Variants in CAMTA2 observed in about 807,000 individuals in gnomAD.
CAMTA2 encodes the protein calmodulin-binding transcription activator 2.
Under a neutral mutation model 135.7 loss-of-function variants are expected in CAMTA2, and 56 were observed. The observed-to-expected ratio is 0.41, with a 90% CI of 0.33 to 0.52. The LOEUF is 0.52. Among genes scored for constraint, CAMTA2 ranks in the 20% least tolerant of loss-of-function variants. CAMTA2 has a pLI of 0.16. For synonymous variants in CAMTA2, 591 were observed against 604.6 expected (o/e 0.98, Z 0.33); for missense variants, 1,358 against 1,553.4 (o/e 0.87, Z 2.11).
intron 11 of CAMTA2, 182 bp from the exon 12 acceptor site, chr17:4,974,682 C>T: frequency 1.8e-6 from 1 of 558,956 alleles, no homozygotes; most frequent in Admixed American, 3.1e-5. Flanking sequence ...AGTCCTTAAA[C>T]TAGGGCTGTT....
Position 4,974,474 on chromosome 17 carries a change from C to G in CAMTA2, c.1927G>C (p.Glu643Gln), listed in dbSNP as rs747718050. 3 of 1,613,824 alleles carry G rather than the reference C, an allele frequency of 1.9e-6. No homozygotes were observed. In the Admixed American group the frequency reaches 5.0e-5, roughly 27 times the overall value. The part of the protein sequence containing the change: ...DDNQFRMSIL[E>Q]RLEQMEKRMA... ...CGCTTCTCCATCTGCTCCAGTCGCT[C>G]TAGTATGGACATCCGGAACTGGTTG... The change falls in exon 12 of 23, where the codon GAG becomes CAG. Residue 643 changes from glutamate (E) to glutamine (Q), a missense_variant. This residue lies in a region of CAMTA2 where 1,077 missense variants were observed against 1,127.5 expected (regional missense o/e 0.96). Transcript: ENST00000348066.
Position 4,968,995 on chromosome 17 carries a change from C to G in CAMTA2, c.3471-14G>C, listed in dbSNP as rs1053084715. On this transcript the variant is annotated splice_polypyrimidine_tract_variant and intron_variant, in intron 21 of 22. Coordinates refer to ENST00000348066, the MANE Select transcript of CAMTA2 (RefSeq NM_015099.4). ...AGAAAGGAGCCTCTGGTGAAAGAAACAAAAGATGGACCTCACAGAAGGCAT... is the reference window on the plus strand; with the variant it reads ...AGAAAGGAGCCTCTGGTGAAAGAAAGAAAAGATGGACCTCACAGAAGGCAT... 1 of 1,613,480 alleles carries G rather than the reference C, an allele frequency of 6.2e-7. No individual in the cohort carries two copies.
Position 4,980,555 on chromosome 17 carries a change from G to A in CAMTA2, c.767C>T (p.Pro256Leu). 1 of 1,613,984 alleles carries A rather than the reference G, an allele frequency of 6.2e-7. No homozygotes were observed. Among genetic ancestry groups the A allele is most frequent in the Non-Finnish European group, 8.5e-7 (1 of 1,179,966 alleles). ...KHRIISPKVEPRALTLTSIPH... is the reference protein window; with the variant it reads ...KHRIISPKVELRALTLTSIPH... ...GATAGAGGTCAGGGTTAAAGCTCGG[G>A]GCTCCACTTTGGGAGAGATGATGCG... Residue 256 changes from proline to leucine, a missense_variant, in exon 9 of 23, where the codon CCC becomes CTC. Coordinates refer to ENST00000348066, the MANE Select transcript of CAMTA2 (RefSeq NM_015099.4). This position sits in a 1 kb window ranked among gnomAD's most constrained non-coding sequence, Gnocchi z 5.3.
chr17:4,981,104 G>A (rs1033768432), intron 8 of CAMTA2, 121 bp downstream of exon 8: 10 of 1,250,770 alleles, frequency 8.0e-6, no homozygotes, highest in African/African-American at 1.5e-5. Flanking sequence ...CCATCTTTCT[G>A]GGACATGCAA....
In CAMTA2 at chr17:4,968,265, T is replaced by G; in HGVS notation, c.*491A>C. On this transcript the variant is annotated 3_prime_UTR_variant, in exon 23 of 23. Coordinates refer to ENST00000348066, the MANE Select transcript of CAMTA2 (RefSeq NM_015099.4). ...TCGGCCCTGAGGTCAGTGGCCAGAG[T>G]CGGGTGATGGGGTAAGACAGGGCCA... 1 of 245,758 alleles carries G rather than the reference T, an allele frequency of 4.1e-6. No individual in the cohort carries two copies. Among genetic ancestry groups the G allele is most frequent in the Non-Finnish European group, 8.0e-6 (1 of 124,706 alleles). 15.2% of individuals were successfully genotyped at this position (245,758 alleles called of 1,614,324 possible).
At chr17:4,971,006 C>T (rs186332970) in intron 16 of CAMTA2, among the ~76,000 whole-genome samples, 9 of 152,340 alleles carry the variant, frequency 5.9e-5, no homozygotes, top group Admixed American at 2.0e-4. Flanking sequence ...GCACTTCCTG[C>T]TGGACACACT....
At chr17:4,977,715 G>C (rs1300528892) in intron 10 of CAMTA2, among the ~76,000 whole-genome samples, 1 of 152,222 alleles carries the variant, frequency 6.6e-6, no homozygotes, top group African/African-American at 2.4e-5. Flanking sequence ...TGCTGCTGTA[G>C]AGACTGGGGG....
chr17:4,968,863 G>A (rs1488361797), intron 22 of CAMTA2, 44 bp from the exon 23 acceptor site: 1 of 1,612,136 alleles, frequency 6.2e-7, no homozygotes, highest in Non-Finnish European at 8.5e-7. Context: ...GGCGGATCAC[G>A]ACGGGTGGCA....
chr17:4,981,316 G>C lies in CAMTA2; in HGVS notation c.609C>G (p.Phe203Leu). ...TCTGCTGCACCAGGTGTTCTACAGA[G>C]AACTCTTCTGTTCCATTCCCGCAGC... ...KWSCGNGTEE[F>L]SVEHLVQQIL... The change falls in exon 8 of 23, where the codon TTC becomes TTG. Residue 203 changes from phenylalanine to leucine, a missense_variant. Coordinates refer to ENST00000348066, the MANE Select transcript of CAMTA2 (RefSeq NM_015099.4). 1 of 1,614,134 alleles carries C rather than the reference G, an allele frequency of 6.2e-7. No individual in the cohort carries two copies. The highest frequency in any genetic ancestry group is 8.5e-7 in the Non-Finnish European group (1 of 1,179,972).
intron 10 of CAMTA2, among the ~76,000 whole-genome samples, chr17:4,978,032 A>C (rs1464476327): frequency 6.6e-6 from 1 of 152,238 alleles, no homozygotes; most frequent in Non-Finnish European, 1.5e-5. Context: ...ATTAATAGGC[A>C]CATGTGGCTA....
rs1416478173 is a variant in CAMTA2, at chr17:4,970,459, C to T, written c.2886G>A (p.Leu962=). 2 of 1,614,216 alleles carry T rather than the reference C, an allele frequency of 1.2e-6. No homozygotes were observed. Among genetic ancestry groups the T allele is most frequent in the Non-Finnish European group, 8.5e-7 (1 of 1,180,038 alleles). ...ERIKREDFVG[L]PEAGASMRER... is the part of the protein sequence containing the mutation. ...CCCGCATTGAGGCTCCAGCCTCGGG[C>T]AGCCCCACGAAGTCCTCTCGTTTAA... Residue 962 remains leucine, a synonymous_variant, in exon 17 of 23, where the codon CTG becomes CTA. Transcript: ENST00000348066.
Position 4,980,670 on chromosome 17 carries a change from G to C in CAMTA2, c.701-49C>G, listed in dbSNP as rs760923751. 3.6e-6 allele frequency: 5 copies of C among 1,401,848 alleles called. No individual in the cohort carries two copies. Among genetic ancestry groups the C allele is most frequent in the Non-Finnish European group, 5.0e-6 (5 of 991,244 alleles). 86.8% of individuals were successfully genotyped at this position (1,401,848 alleles called of 1,614,324 possible). On this transcript the variant is annotated intron_variant, in intron 8 of 22. Transcript: ENST00000348066. The surrounding 1 kb of genome is among the most constrained non-coding windows in gnomAD (Gnocchi z 5.3). The stretch of plus-strand genomic sequence containing the variant: ...GAGAGGAGATAAGACACATCATTCC[G>C]CACCTTCTCTACCTTGAGGCCCTTA...
rs779907474 is a variant in CAMTA2 at position 4,972,173 on chromosome 17, C to T, written c.2808+59G>A. On this transcript the variant is annotated intron_variant, in intron 16 of 22. Coordinates refer to ENST00000348066, the MANE Select transcript of CAMTA2 (RefSeq NM_015099.4). ...GACTTTGATTCTGCTTCATGGAAGT[C>T]GGCCTCACCCTTCCTACTCCACTTC... 5.8e-5 allele frequency: 81 copies of T among 1,397,224 alleles called. No individual in the cohort carries two copies. In the African/African-American group the frequency reaches 9.6e-4, roughly 16 times the overall value. The allele number at this position is 1,397,224 out of a possible 1,614,324, so 86.6% of individuals were successfully genotyped here. A position where few individuals can be genotyped will look rare whatever the true frequency, so the allele number is the denominator to read the frequency against.
rs202133009 is a variant in CAMTA2, at chr17:4,970,463, C to T, written c.2882G>A (p.Gly961Glu). Residue 961 changes from glycine (G) to glutamate (E), a missense_variant, in exon 17 of 23, where the codon GGG (glycine) becomes GAG (glutamate). This residue lies in a region of CAMTA2 where 1,077 missense variants were observed against 1,127.5 expected (regional missense o/e 0.96). Coordinates refer to ENST00000348066, the MANE Select transcript of CAMTA2 (RefSeq NM_015099.4). Reference protein sequence around the residue: ...PERIKREDFVGLPEAGASMRE... With the variant: ...PERIKREDFVELPEAGASMRE... ...CATTGAGGCTCCAGCCTCGGGCAGCCCCACGAAGTCCTCTCGTTTAATCCG... is the reference window on the plus strand; with the variant it reads ...CATTGAGGCTCCAGCCTCGGGCAGCTCCACGAAGTCCTCTCGTTTAATCCG... 1.2e-6 allele frequency: 2 copies of T among 1,614,064 alleles called. No homozygotes were observed. Among genetic ancestry groups the T allele is most frequent in the Non-Finnish European group, 1.7e-6 (2 of 1,180,052 alleles).
chr17:4,974,632 C>T, intron 11 of CAMTA2, 132 bp from the exon 12 acceptor site: 1 of 626,776 alleles, frequency 1.6e-6, no homozygotes, highest in South Asian at 1.8e-5. Context: ...AAAACAACAG[C>T]TCCTTTACCC....
chr17:4,968,189 C>T lies in CAMTA2; in HGVS notation c.*567G>A, dbSNP rs1360577004. On this transcript the variant is annotated 3_prime_UTR_variant, in exon 23 of 23. Transcript: ENST00000348066. Reference sequence around the variant, plus strand: ...ACAGTATGTACAAGACCCCTCCCCTCGGGGGACGGGGCGGACTCCGCAACG... The same window carrying T: ...ACAGTATGTACAAGACCCCTCCCCTTGGGGGACGGGGCGGACTCCGCAACG... 1 of 259,582 alleles carries T rather than the reference C, an allele frequency of 3.9e-6. No individual in the cohort carries two copies. 16.1% of individuals were successfully genotyped at this position (259,582 alleles called of 1,614,324 possible).
intron 16 of CAMTA2, 50 bp downstream of exon 16, chr17:4,972,182 C>T (rs1419149419): frequency 6.7e-7 from 1 of 1,492,860 alleles, no homozygotes; most frequent in South Asian, 1.2e-5. Context: ...TCGGCCTCAC[C>T]CTTCCTACTC....
intron 14 of CAMTA2, 59 bp downstream of exon 14, chr17:4,973,116 T>C: frequency 1.3e-6 from 2 of 1,536,202 alleles, no homozygotes; most frequent in East Asian, 2.2e-5. Flanking sequence ...ATCTTCCTTT[T>C]CAAGGGCTGT....
chr17:4,971,985 G>A (rs902261507), intron 16 of CAMTA2, among the ~76,000 whole-genome samples: 2 of 152,152 alleles, frequency 1.3e-5, no homozygotes, highest in Admixed American at 6.5e-5. Context: ...CACCAAGCCC[G>A]GCCAAATTTT....
Sources: allele counts gnomAD v4.1 joint callset (sites outside exome capture counted in the v4.1 genomes callset), GRCh38; gene constraint gnomAD v4.1.1; regional missense constraint gnomAD v4.1.1; non-coding constraint Gnocchi (gnomAD v3.1); transcripts MANE v1.5; gene names NCBI Gene and HGNC (gene_info 2026-07-23, HGNC 2026-07-21).